Variants in GSE1 observed in about 807,000 individuals in gnomAD.
The protein encoded by GSE1 is genetic suppressor element 1.
GSE1 carries 32 observed loss-of-function variants against 112.6 expected under a neutral mutation model. That is an observed-to-expected ratio of 0.28 (90% CI 0.21 to 0.38). The LOEUF (loss-of-function observed/expected upper bound fraction) is 0.38. Ranked by LOEUF, GSE1 falls within the 10% of genes least tolerant of loss-of-function variation. The pLI is 1.00. For missense variants in GSE1, 2,348 were observed against 1,699.2 expected (o/e 1.38, Z -6.71); for synonymous variants, 1,115 against 735.6 (o/e 1.52, Z -8.35).
intron 1 of GSE1, among the ~76,000 whole-genome samples, chr16:85,270,896 C>T (rs1466753793): frequency 6.6e-6 from 1 of 152,158 alleles, no homozygotes. Flanking sequence ...AAAGAAGGCA[C>T]CCGGTGCAGG....
chr16:85,289,771 C>T (rs922201095), intron 1 of GSE1, among the ~76,000 whole-genome samples: 3 of 152,142 alleles, frequency 2.0e-5, no homozygotes, highest in African/African-American at 4.8e-5. Context: ...GAACCCAGGC[C>T]GGGCTGGTCT....
intron 1 of GSE1, among the ~76,000 whole-genome samples, chr16:85,324,167 T>C (rs1224014491): frequency 6.6e-6 from 1 of 152,078 alleles, no homozygotes; most frequent in Non-Finnish European, 1.5e-5. Flanking sequence ...ATGATGAACT[T>C]AGAGTTGCCC....
chr16:85,554,213 T>A (rs1177672445), upstream of GSE1, among the ~76,000 whole-genome samples: 1 of 152,184 alleles, frequency 6.6e-6, no homozygotes, highest in Non-Finnish European at 1.5e-5. Context: ...ATCGCTGGGC[T>A]GGACAATGAG....
intron 1 of GSE1, among the ~76,000 whole-genome samples, chr16:85,630,520 C>A (rs534369832): frequency 6.6e-6 from 1 of 152,306 alleles, no homozygotes; most frequent in African/African-American, 2.4e-5. Context: ...AGCGTCTATG[C>A]TGCCCAGGCT....
At chr16:85,565,852 C>T (rs1425963534) in intron 1 of GSE1, among the ~76,000 whole-genome samples, 1 of 152,170 alleles carries the variant, frequency 6.6e-6, no homozygotes. Flanking sequence ...AGTTGGGTCC[C>T]GATGGCGAGG....
chr16:85,431,319 G>A (rs918573517), intron 2 of GSE1, among the ~76,000 whole-genome samples: 5 of 152,230 alleles, frequency 3.3e-5, no homozygotes, highest in Non-Finnish European at 7.3e-5. Context: ...GGCCCAGCCC[G>A]CGGTGCCGCA....
intron 1 of GSE1, among the ~76,000 whole-genome samples, chr16:85,222,837 A>C (rs556481774): frequency 6.6e-6 from 1 of 152,126 alleles, no homozygotes; most frequent in Non-Finnish European, 1.5e-5. Flanking sequence ...CTGCAGCAGA[A>C]GTTTGGATCC....
intron 2 of GSE1, among the ~76,000 whole-genome samples, chr16:85,638,957 G>A (rs932847437): frequency 6.6e-6 from 1 of 152,138 alleles, no homozygotes; most frequent in African/African-American, 2.4e-5. Flanking sequence ...CTGCCTGTTG[G>A]TCTTGACTTT....
Position 85,634,119 on chromosome 16 carries a change from G to A in GSE1, c.213G>A (p.Ala71=), listed in dbSNP as rs188721700. 2.4e-4 allele frequency: 375 copies of A among 1,538,014 alleles called. 3 individuals carry two copies. In the African/African-American group the frequency reaches 3.3e-3, roughly 13 times the overall value. Residue 71 remains alanine (A), a synonymous_variant, in exon 2 of 16, where the codon GCG becomes GCA. Transcript: ENST00000253458. ...CGCTGCGCAAGCTCGCCAAACAGGC[G>A]GAGGAGCCCAGAGGTAAGGGGGCCC... The part of the protein sequence containing the change: ...AAALRKLAKQ[A]EEPRGSSLSS...
intron 2 of GSE1, among the ~76,000 whole-genome samples, chr16:85,481,216 T>C (rs2050672696): frequency 6.6e-6 from 1 of 152,268 alleles, no homozygotes; most frequent in Non-Finnish European, 1.5e-5. Context: ...GTAGCCACTC[T>C]GTGCCTCAGT....
intron 2 of GSE1, among the ~76,000 whole-genome samples, chr16:85,458,837 C>T (rs771645502): frequency 2.6e-5 from 4 of 152,146 alleles, no homozygotes; most frequent in Non-Finnish European, 5.9e-5. Context: ...GTTCAGGGAG[C>T]CTGGGGCCTC....
At chr16:85,633,544 C>T (rs925525929) in intron 1 of GSE1, among the ~76,000 whole-genome samples, 1 of 152,346 alleles carries the variant, frequency 6.6e-6, no homozygotes, top group African/African-American at 2.4e-5. Context: ...GCCTCCTCCG[C>T]CTGGGCCTCA....
rs77115222 is a variant in GSE1 at position 85,281,162 on chromosome 16, G to C, written c.2284-76301G>C. On this transcript the variant is annotated intron_variant, in intron 1 of 2. Transcript: ENST00000637419. The stretch of plus-strand genomic sequence containing the variant: ...ATCACCTCCACAAAGCCTTAGAGCT[G>C]GACATGATCTTCCAGGCTGTCAGTT... Among the ~76,000 whole-genome samples the C allele has an allele frequency of 3.3e-5, 5 of 152,282 alleles. No homozygotes were observed. The East Asian group carries it at 9.7e-4, about 29-fold the overall frequency.
chr16:85,314,722 C>T (rs1262404139), intron 1 of GSE1, among the ~76,000 whole-genome samples: 2 of 152,224 alleles, frequency 1.3e-5, no homozygotes, highest in Non-Finnish European at 2.9e-5. Context: ...TCCCCCGCAG[C>T]AGGCCCTAGG....
chr16:85,527,633 G>A (rs1314973891), intron 2 of GSE1, among the ~76,000 whole-genome samples: 1 of 152,284 alleles, frequency 6.6e-6, no homozygotes, highest in African/African-American at 2.4e-5. Context: ...GGGACCAGCA[G>A]CCTACCCCGG....
At chr16:85,414,646 A>G (rs1003355830) in intron 2 of GSE1, among the ~76,000 whole-genome samples, 1 of 152,018 alleles carries the variant, frequency 6.6e-6, no homozygotes, top group African/African-American at 2.4e-5. Context: ...TTATTTATTT[A>G]TTTCTTGAGA....
chr16:85,383,304 A>G (rs1398687634), intron 2 of GSE1, among the ~76,000 whole-genome samples: 2 of 151,826 alleles, frequency 1.3e-5, no homozygotes, highest in Non-Finnish European at 2.9e-5. Flanking sequence ...GTGCACAAAC[A>G]TGTACATACA....
chr16:85,213,906 G>T (rs182544627), intron 1 of GSE1, among the ~76,000 whole-genome samples: 1 of 152,230 alleles, frequency 6.6e-6, no homozygotes, highest in African/African-American at 2.4e-5. Context: ...GGTCAGTCAC[G>T]TGGGAACAGA....
chr16:85,196,519 G>T (rs1378331495), intron 1 of GSE1, among the ~76,000 whole-genome samples: 1 of 152,164 alleles, frequency 6.6e-6, no homozygotes, highest in Admixed American at 6.5e-5. Flanking sequence ...AGGGCCCTCA[G>T]TGTGGCTGGT....
Sources: gnomAD v4.1 joint callset for allele counts (sites outside exome capture counted in the v4.1 genomes callset) on GRCh38, gnomAD v4.1.1 for gene constraint, MANE v1.5 for transcripts, NCBI Gene and HGNC (gene_info 2026-07-23, HGNC 2026-07-21) for gene names.